The following NEBL variants were observed in gnomAD, a reference collection of about 807,000 sequenced individuals.
NEBL encodes nebulette.
NEBL carries 122 observed loss-of-function variants against 140.2 expected under a neutral mutation model. The observed-to-expected ratio is 0.87, with a 90% CI of 0.75 to 1.01. The LOEUF (loss-of-function observed/expected upper bound fraction) is 1.01. Ranked by LOEUF, NEBL falls within the 50% of genes least tolerant of loss-of-function variation. The pLI is 0.00. For missense variants in NEBL, 1,365 were observed against 1,231.3 expected, an observed-to-expected ratio of 1.11 and a Z score of -1.62; for synonymous variants, 436 against 398.9, an observed-to-expected ratio of 1.09 and a Z score of -1.11.
At chr10:21,136,318 T>C (rs1403981701) in intron 2 of NEBL, among the ~76,000 whole-genome samples, 1 of 152,056 alleles carries the variant, frequency 6.6e-6, no homozygotes, top group Non-Finnish European at 1.5e-5. Context: ...CAAGGACTGC[T>C]CTCCTTCCTA....
At chr10:21,167,213 C>A (rs898875017) in intron 2 of NEBL, among the ~76,000 whole-genome samples, 6 of 152,122 alleles carry the variant, frequency 3.9e-5, no homozygotes, top group African/African-American at 1.2e-4. Flanking sequence ...CAACACTCAG[C>A]GCCTGCTGTT....
chr10:21,057,740 T>C (rs2131869279), intron 2 of NEBL, among the ~76,000 whole-genome samples: 1 of 151,692 alleles, frequency 6.6e-6, no homozygotes. Context: ...TGTATATTTT[T>C]TATAGAGACA....
At chr10:20,860,483 GA>G (rs1203257860) in intron 7 of NEBL, among the ~76,000 whole-genome samples, 7 of 135,032 alleles carry the variant, frequency 5.2e-5, no homozygotes, top group Non-Finnish European at 1.1e-4. Context: ...TATTTGGTAG[GA>G]CTATATTTTT....
chr10:20,888,889 C>G (rs757582422), intron 3 of NEBL, among the ~76,000 whole-genome samples: 3 of 152,200 alleles, frequency 2.0e-5, no homozygotes, highest in African/African-American at 4.8e-5. Context: ...GACAAACAAA[C>G]TATGTTCTTC....
chr10:20,830,552 C>G lies in NEBL; in HGVS notation c.1671+644G>C, dbSNP rs188717658. ...ATTTTACCAAGAAAACCTCACTGTT[C>G]CCTTAATTTTTACCTAACACTAAAC... On this transcript the variant is annotated intron_variant, in intron 16 of 27. Transcript: ENST00000377122. 2.0e-4 allele frequency among the ~76,000 whole-genome samples: 31 copies of G among 152,178 alleles called. No individual in the cohort carries two copies. The East Asian group carries it at 5.6e-3, about 27-fold the overall frequency.
At chr10:20,932,224 G>C (rs1421217685) in intron 4 of NEBL, among the ~76,000 whole-genome samples, 2 of 152,252 alleles carry the variant, frequency 1.3e-5, no homozygotes, top group East Asian at 1.9e-4. Context: ...ATACACCATG[G>C]AATACTATGC....
intron 8 of NEBL, among the ~76,000 whole-genome samples, chr10:20,858,800 A>G (rs955176048): frequency 2.0e-5 from 3 of 152,208 alleles, no homozygotes; most frequent in Non-Finnish European, 2.9e-5. Flanking sequence ...CAAGCATATC[A>G]CACACTTACT....
At chr10:20,894,750 TAA>T (rs35938506) in intron 2 of NEBL, among the ~76,000 whole-genome samples, 7 of 114,678 alleles carry the variant, frequency 6.1e-5, no homozygotes, top group East Asian at 2.5e-4. Flanking sequence ...CCGTCTCTAC[TAA>T]AAAAAAAAAA....
At chr10:20,830,827 C>A (rs1247296277) in intron 16 of NEBL, among the ~76,000 whole-genome samples, 1 of 148,872 alleles carries the variant, frequency 6.7e-6, no homozygotes, top group African/African-American at 2.5e-5. Context: ...AAGCTTGAGC[C>A]CAGGAGTTTG....
At chr10:20,911,699 A>G (rs1848338231) in intron 4 of NEBL, among the ~76,000 whole-genome samples, 1 of 152,232 alleles carries the variant, frequency 6.6e-6, no homozygotes, top group South Asian at 2.1e-4. Flanking sequence ...AGGCATGGGA[A>G]ATCATCAGTG....
chr10:20,876,950 C>G lies in NEBL; in HGVS notation c.480+3844G>C, dbSNP rs150676602. Among the ~76,000 whole-genome samples, 753 of 152,242 alleles carry G rather than the reference C, an allele frequency of 4.9e-3. 9 individuals carry two copies. Among genetic ancestry groups the G allele is most frequent in the African/African-American group, 0.017 (719 of 41,558 alleles). On this transcript the variant is annotated intron_variant, in intron 5 of 27. Coordinates refer to ENST00000377122, the MANE Select transcript of NEBL (RefSeq NM_006393.3). ...AAGATTTCGATTGGCTGTTTTTAAT[C>G]ATTTTCTGATTATAGTATTAATAAG...
At chr10:20,790,471 T>C (rs1835854945) in intron 26 of NEBL, among the ~76,000 whole-genome samples, 1 of 151,148 alleles carries the variant, frequency 6.6e-6, no homozygotes, top group Admixed American at 6.6e-5. Context: ...GCGTGGGGTG[T>C]GTGCCTGTAA....
chr10:21,204,732 G>A (rs1173725322), intron 3 of NEBL, among the ~76,000 whole-genome samples: 1 of 152,118 alleles, frequency 6.6e-6, no homozygotes, highest in Non-Finnish European at 1.5e-5. Context: ...CCCTGCCTGG[G>A]GTGGGCAGAG....
At chr10:20,840,517 T>G (rs1276747483) in intron 13 of NEBL, among the ~76,000 whole-genome samples, 1 of 152,166 alleles carries the variant, frequency 6.6e-6, no homozygotes, top group African/African-American at 2.4e-5. Flanking sequence ...TCGTTTATTA[T>G]ATGGATTTTC....
intron 4 of NEBL, among the ~76,000 whole-genome samples, chr10:20,933,115 T>G (rs776726624): frequency 2.1e-4 from 32 of 152,192 alleles, no homozygotes; most frequent in Non-Finnish European, 4.3e-4. Flanking sequence ...CTCGATGTGT[T>G]TGCCATTCTG....
chr10:21,228,112 GGTT>G (rs1438434965), intron 3 of NEBL, among the ~76,000 whole-genome samples: 1 of 151,622 alleles, frequency 6.6e-6, no homozygotes, highest in South Asian at 2.1e-4. Flanking sequence ...AAGTTTTTTG[GGTT>G]TTTTTTTTCG....
chr10:21,237,480 C>T (rs1842372039), intron 3 of NEBL, among the ~76,000 whole-genome samples: 1 of 152,172 alleles, frequency 6.6e-6, no homozygotes, highest in African/African-American at 2.4e-5. Flanking sequence ...GCTGGGATTA[C>T]AGGCATGAGC....
chr10:20,967,399 A>T (rs1398080743), intron 3 of NEBL, among the ~76,000 whole-genome samples: 1 of 152,182 alleles, frequency 6.6e-6, no homozygotes, highest in African/African-American at 2.4e-5. Context: ...AGGCCGGGGC[A>T]GGTGGATCAC....
intron 1 of NEBL, among the ~76,000 whole-genome samples, chr10:21,255,975 CTG>C (rs1015534412): frequency 6.9e-6 from 1 of 143,976 alleles, no homozygotes; most frequent in Non-Finnish European, 1.5e-5. Flanking sequence ...GAGCGAGACT[CTG>C]TCTCAAAAAA....
Sources: allele counts gnomAD v4.1 joint callset (sites outside exome capture counted in the v4.1 genomes callset), GRCh38; gene constraint gnomAD v4.1.1; transcripts MANE v1.5; gene names NCBI Gene and HGNC (gene_info 2026-07-23, HGNC 2026-07-21).